Variants in GTF2F1 observed in about 807,000 individuals in gnomAD.
GTF2F1 encodes the protein general transcription factor IIF 74 kDa subunit.
A neutral mutation model predicts 63.5 loss-of-function variants in GTF2F1; 39 were observed. The observed-to-expected ratio is 0.61, with a 90% CI of 0.48 to 0.80. The LOEUF (loss-of-function observed/expected upper bound fraction) is 0.80. Among genes scored for constraint, GTF2F1 ranks in the 30% least tolerant of loss-of-function variants. GTF2F1 has a pLI of 0.00. For missense variants in GTF2F1, 657 were observed against 718.3 expected (o/e 0.91, Z 0.97); for synonymous variants, 287 against 285.3 (o/e 1.01, Z -0.06).
intron 6 of GTF2F1, among the ~76,000 whole-genome samples, chr19:6,382,135 C>T (rs1057116077): frequency 3.3e-5 from 5 of 152,140 alleles, no homozygotes; most frequent in African/African-American, 4.8e-5. Context: ...CAGCCCGGAG[C>T]GCACAGGAGT....
rs186727244 is a variant in GTF2F1, at chr19:6,380,813, G to C, written c.1231+91C>G. ...ATCAGGGAGAGACAGGCCTCCACCC[G>C]CATCTCCATCCCCTCTCTGTCCTGA... On this transcript the variant is annotated intron_variant, in intron 11 of 12. Coordinates refer to ENST00000394456, the MANE Select transcript of GTF2F1 (RefSeq NM_002096.3). This position sits in a 1 kb window ranked among gnomAD's most constrained non-coding sequence, Gnocchi z 5.3. 6.7e-7 allele frequency: 1 copy of C among 1,493,788 alleles called. No individual in the cohort carries two copies. The highest frequency in any genetic ancestry group is 1.4e-5 in the African/African-American group (1 of 72,790). The allele number at this position is 1,493,788 out of a possible 1,614,324, so 92.5% of individuals were successfully genotyped here.
Position 6,380,790 on chromosome 19 carries a change from C to G in GTF2F1, c.1232-100G>C. The G allele has an allele frequency of 1.3e-6, 2 of 1,509,468 alleles. No homozygotes were observed. The highest frequency in any genetic ancestry group is 1.8e-6 in the Non-Finnish European group (2 of 1,115,224). 93.5% of individuals were successfully genotyped at this position (1,509,468 alleles called of 1,614,324 possible). On this transcript the variant is annotated intron_variant, in intron 11 of 12. Coordinates refer to ENST00000394456, the MANE Select transcript of GTF2F1 (RefSeq NM_002096.3). This position sits in a 1 kb window ranked among gnomAD's most constrained non-coding sequence, Gnocchi z 5.3. ...TGCCAGGATTAGGGTTCAAGGGGAT[C>G]AGGGAGAGACAGGCCTCCACCCGCA...
At chr19:6,385,567 G>A (rs2091971119) in intron 5 of GTF2F1, among the ~76,000 whole-genome samples, 2 of 152,134 alleles carry the variant, frequency 1.3e-5, no homozygotes, top group Non-Finnish European at 2.9e-5. Context: ...TTGATCGACT[G>A]ATTTTACAGT....
chr19:6,380,033 TAAG>T lies in GTF2F1; in HGVS notation c.*245_*247del, dbSNP rs905214445. The stretch of plus-strand genomic sequence containing the variant: ...GGCCGAGCCAGGAGGAGGAGGACAA[TAAG>T]AAGGCCTAACAGGCATCTGAAGATT... On this transcript the variant is annotated 3_prime_UTR_variant, in exon 13 of 13. Coordinates refer to ENST00000394456, the MANE Select transcript of GTF2F1 (RefSeq NM_002096.3). The surrounding 1 kb of genome is among the most constrained non-coding windows in gnomAD (Gnocchi z 5.3). 1.8e-5 allele frequency: 10 copies of T among 567,088 alleles called. No individual in the cohort carries two copies. In the Admixed American group the frequency reaches 1.8e-4, roughly 10 times the overall value. The allele number at this position is 567,088 out of a possible 1,614,324, so 35.1% of individuals were successfully genotyped here.
chr19:6,380,802 G>A lies in GTF2F1; in HGVS notation c.1231+102C>T. 6.6e-7 allele frequency: 1 copy of A among 1,508,584 alleles called. No individual in the cohort carries two copies. The highest frequency in any genetic ancestry group is 2.4e-4 in the Middle Eastern group (1 of 4,220). 93.4% of individuals were successfully genotyped at this position (1,508,584 alleles called of 1,614,324 possible). ...GGTTCAAGGGGATCAGGGAGAGACA[G>A]GCCTCCACCCGCATCTCCATCCCCT... On this transcript the variant is annotated intron_variant, in intron 11 of 12. Coordinates refer to ENST00000394456, the MANE Select transcript of GTF2F1 (RefSeq NM_002096.3). The surrounding 1 kb of genome is among the most constrained non-coding windows in gnomAD (Gnocchi z 5.3).
intron 4 of GTF2F1, 30 bp from the exon 5 acceptor site, chr19:6,387,589 C>T (rs776689168): frequency 8.1e-6 from 13 of 1,601,666 alleles, no homozygotes; most frequent in Non-Finnish European, 1.0e-5. Flanking sequence ...TGGCCTGGCC[C>T]ATAGGGACCA....
In GTF2F1 at chr19:6,381,105, A is replaced by G. The variant is rs1599208757; in HGVS notation, c.1092+17T>C. The G allele has an allele frequency of 1.2e-6, 2 of 1,609,568 alleles. No homozygotes were observed. The highest frequency in any genetic ancestry group is 1.7e-6 in the Non-Finnish European group (2 of 1,178,162). On this transcript the variant is annotated intron_variant, in intron 10 of 12. Transcript: ENST00000394456. This position sits in a 1 kb window ranked among gnomAD's most constrained non-coding sequence, Gnocchi z 4.1. Reference sequence around the variant, plus strand: ...AACAGACGCCCAGGCCTCCCCCGCCACCGGGCTGGGCCTTACCGCCATGAA... The same window carrying G: ...AACAGACGCCCAGGCCTCCCCCGCCGCCGGGCTGGGCCTTACCGCCATGAA...
chr19:6,382,071 C>T (rs1159529739), intron 6 of GTF2F1, among the ~76,000 whole-genome samples: 1 of 152,116 alleles, frequency 6.6e-6, no homozygotes, highest in East Asian at 1.9e-4. Flanking sequence ...AGACCACTCC[C>T]CCTCTCCCAG....
At position 6,380,910 on chromosome 19, in the gene GTF2F1, CGA is replaced by C; in HGVS notation, c.1223_1224del (p.Leu408ArgfsTer48). 1 of 1,562,094 alleles carries C rather than the reference CGA, an allele frequency of 6.4e-7. No individual in the cohort carries two copies. The highest frequency in any genetic ancestry group is 2.3e-5 in the East Asian group (1 of 43,152). On this transcript the variant is annotated frameshift_variant, in exon 11 of 13. Coordinates refer to ENST00000394456, the MANE Select transcript of GTF2F1 (RefSeq NM_002096.3). LOFTEE classifies it high-confidence loss of function. The surrounding 1 kb of genome is among the most constrained non-coding windows in gnomAD (Gnocchi z 5.3). ...GGAGGCCACGGGCACTCACCTTGCT[CGA>C]GTTTGCTGGCAGCCGCCCGCAGGGT... ...SSTLRAAASK[L>X]EQGKRVSEMP...
At chr19:6,392,416 G>A (rs753246566) in intron 2 of GTF2F1, 10 of 485,420 alleles carry the variant, frequency 2.1e-5, no homozygotes, top group Non-Finnish European at 3.6e-5. Flanking sequence ...ATTTCCTGGA[G>A]GAGGAAGATA....
rs2091953569 is a variant in GTF2F1 at position 6,381,844 on chromosome 19, C to G, written c.689G>C (p.Arg230Thr). The G allele has an allele frequency of 6.2e-7, 1 of 1,611,662 alleles. No homozygotes were observed. Among genetic ancestry groups the G allele is most frequent in the African/African-American group, 1.3e-5 (1 of 74,864 alleles). ...CGCCTTCTTCTTGGCCTTGGGGACT[C>G]TGCCCCCTGGGAAGGGAGGAAAGGA... ...ASDASGEEGG[R>T]VPKAKKKAPL... is the part of the protein sequence containing the mutation. The change falls in exon 7 of 13, where the codon AGA becomes ACA. Residue 230 changes from arginine (R) to threonine (T), a missense_variant. By Grantham distance (71) the Arg-to-Thr change is moderately conservative. Transcript: ENST00000394456. The surrounding 1 kb of genome is among the most constrained non-coding windows in gnomAD (Gnocchi z 4.1).
In GTF2F1 at chr19:6,392,750, C is replaced by A. The variant is rs1032563584; in HGVS notation, c.59+107G>T. On this transcript the variant is annotated intron_variant, in intron 2 of 12. Transcript: ENST00000394456. ...CCCTGCCCTCCAAGTCTCTCCCGGT[C>A]TGGAGGGAGAACCACAGACAGGGCC... The A allele has an allele frequency of 4.5e-6, 5 of 1,113,950 alleles. No homozygotes were observed. In the Admixed American group the frequency reaches 5.1e-5, roughly 11 times the overall value. The allele number at this position is 1,113,950 out of a possible 1,614,324, so 69.0% of individuals were successfully genotyped here. A position where few individuals can be genotyped will look rare whatever the true frequency, so the allele number is the denominator to read the frequency against.
Position 6,380,793 on chromosome 19 carries a change from G to A in GTF2F1, c.1232-103C>T, listed in dbSNP as rs935908431. 1.3e-5 allele frequency: 19 copies of A among 1,518,994 alleles called. No individual in the cohort carries two copies. Among genetic ancestry groups the A allele is most frequent in the Non-Finnish European group, 1.7e-5 (19 of 1,123,418 alleles). 94.1% of individuals were successfully genotyped at this position (1,518,994 alleles called of 1,614,324 possible). On this transcript the variant is annotated intron_variant, in intron 11 of 12. Transcript: ENST00000394456. The surrounding 1 kb of genome is among the most constrained non-coding windows in gnomAD (Gnocchi z 5.3). ...CAGGATTAGGGTTCAAGGGGATCAG[G>A]GAGAGACAGGCCTCCACCCGCATCT...
rs1000091228 is a variant in GTF2F1, at chr19:6,381,231, A to C, written c.1019-36T>G. On this transcript the variant is annotated intron_variant, in intron 9 of 12. Coordinates refer to ENST00000394456, the MANE Select transcript of GTF2F1 (RefSeq NM_002096.3). The surrounding 1 kb of genome is among the most constrained non-coding windows in gnomAD (Gnocchi z 4.1). ...CAGGAAAGGGGTCAGGGCCAGAGCA[A>C]CCCCGGGACCCGGTGCCCACTGGTG... The C allele has an allele frequency of 6.3e-7, 1 of 1,580,684 alleles. No individual in the cohort carries two copies. Among genetic ancestry groups the C allele is most frequent in the Non-Finnish European group, 8.6e-7 (1 of 1,164,382 alleles).
chr19:6,385,031 C>T (rs1007630968), intron 5 of GTF2F1, among the ~76,000 whole-genome samples: 2 of 151,982 alleles, frequency 1.3e-5, no homozygotes, highest in Non-Finnish European at 2.9e-5. Flanking sequence ...GAACTCTTGA[C>T]CTTGCGATCC....
At position 6,383,747 on chromosome 19, in the gene GTF2F1, T is replaced by C. The variant is rs545335169; in HGVS notation, c.498-252A>G. On this transcript the variant is annotated intron_variant, in intron 5 of 12. Transcript: ENST00000394456. This position sits in a 1 kb window ranked among gnomAD's most constrained non-coding sequence, Gnocchi z 4.5. ...TGGAGTCTCAGCACCTCCCTCGGAC[T>C]CAGAGTCTGGCCCCAATCCAGTCAC... Among the ~76,000 whole-genome samples, 1 of 152,310 alleles carries C rather than the reference T, an allele frequency of 6.6e-6. No individual in the cohort carries two copies. The highest frequency in any genetic ancestry group is 1.9e-4 in the East Asian group (1 of 5,188).
Position 6,387,500 on chromosome 19 carries a change from TG to T in GTF2F1, c.385del (p.Gln129SerfsTer43). ...GGCCTCGAAGGCCCCGTCGGGGCACTGGGTGAAGATGTAGTAGGACGTGTTC... is the reference window on the plus strand; with the variant it reads ...GGCCTCGAAGGCCCCGTCGGGGCACTGGTGAAGATGTAGTAGGACGTGTTC... ...TENTSYYIFT[Q>X]CPDGAFEAFP... is the part of the protein sequence containing the mutation. On this transcript the variant is annotated frameshift_variant, in exon 5 of 13. Transcript: ENST00000394456. LOFTEE classifies it high-confidence loss of function. The T allele has an allele frequency of 6.2e-7, 1 of 1,614,184 alleles. No homozygotes were observed. Among genetic ancestry groups the T allele is most frequent in the East Asian group, 2.2e-5 (1 of 44,870 alleles).
At chr19:6,386,499 G>T (rs1231601651) in intron 5 of GTF2F1, among the ~76,000 whole-genome samples, 1 of 152,160 alleles carries the variant, frequency 6.6e-6, no homozygotes, top group Non-Finnish European at 1.5e-5. Flanking sequence ...AGGCTGGAGT[G>T]CACTGGCAAC....
At chr19:6,387,615 T>TA (rs2091978826) in intron 4 of GTF2F1, 56 bp from the exon 5 acceptor site, 1 of 1,283,068 alleles carries the variant, frequency 7.8e-7, no homozygotes, top group Non-Finnish European at 1.1e-6. Flanking sequence ...AGCCCCCCCG[T>TA]GTCCCCCCGG....
Sources: gnomAD v4.1 joint callset for allele counts (sites outside exome capture counted in the v4.1 genomes callset) on GRCh38, gnomAD v4.1.1 for gene constraint, Gnocchi (gnomAD v3.1) non-coding constraint, MANE v1.5 for transcripts, NCBI Gene and HGNC (gene_info 2026-07-23, HGNC 2026-07-21) for gene names.